Variants in RCAN2 observed in about 807,000 individuals in gnomAD.
RCAN2 encodes the protein calcipressin-2.
In RCAN2, 9 loss-of-function variants were observed where a neutral mutation model predicts 23.6. The ratio of observed to expected loss-of-function variants is 0.38; its 90% CI spans 0.23 to 0.67. The LOEUF is 0.67. RCAN2 is among the 30% of genes least tolerant of loss of function. The pLI, the probability that RCAN2 is intolerant of heterozygous loss-of-function variation, is 0.51. For missense variants in RCAN2, 273 were observed against 302.3 expected (o/e 0.90, Z 0.72); for synonymous variants, 109 against 115.7 (o/e 0.94, Z 0.37).
intron 2 of RCAN2, among the ~76,000 whole-genome samples, chr6:46,394,632 A>G (rs1458309752): frequency 6.6e-6 from 1 of 152,128 alleles, no homozygotes; most frequent in Non-Finnish European, 1.5e-5. Context: ...ATTACCTAGG[A>G]CTTTATAGCC....
intron 2 of RCAN2, among the ~76,000 whole-genome samples, chr6:46,315,470 C>CAGAAGGA (rs1469373401): frequency 1.1e-4 from 16 of 152,176 alleles, no homozygotes; most frequent in Admixed American, 7.2e-4. Flanking sequence ...ATGTAGGCTC[C>CAGAAGGA]AGAAGGAAGA....
chr6:46,392,591 T>G (rs1305013930), intron 2 of RCAN2, among the ~76,000 whole-genome samples: 3 of 152,062 alleles, frequency 2.0e-5, no homozygotes, highest in Non-Finnish European at 4.4e-5. Context: ...TAATGTCTGG[T>G]GGGGGAAGGA....
intron 2 of RCAN2, among the ~76,000 whole-genome samples, chr6:46,267,745 C>CA (rs1233036181): frequency 6.6e-6 from 1 of 152,010 alleles, no homozygotes; most frequent in Non-Finnish European, 1.5e-5. Flanking sequence ...TTCTTTAAAA[C>CA]AAGAAATATT....
intron 2 of RCAN2, among the ~76,000 whole-genome samples, chr6:46,455,374 C>A (rs1338194698): frequency 6.6e-6 from 1 of 152,108 alleles, no homozygotes; most frequent in African/African-American, 2.4e-5. Flanking sequence ...AATTCCTAAT[C>A]CTCTGGGATG....
At chr6:46,376,351 A>C (rs1317430636) in intron 2 of RCAN2, among the ~76,000 whole-genome samples, 1 of 152,180 alleles carries the variant, frequency 6.6e-6, no homozygotes, top group Admixed American at 6.5e-5. Flanking sequence ...AAGAACTAAA[A>C]CCATAAAAGT....
chr6:46,269,542 T>C (rs1472562879), intron 2 of RCAN2, among the ~76,000 whole-genome samples: 1 of 152,232 alleles, frequency 6.6e-6, no homozygotes, highest in Non-Finnish European at 1.5e-5. Context: ...ACTAGTTATG[T>C]ATCTTGCTGT....
At chr6:46,338,398 T>C (rs1764206469) in intron 2 of RCAN2, among the ~76,000 whole-genome samples, 2 of 152,122 alleles carry the variant, frequency 1.3e-5, no homozygotes, top group Admixed American at 1.3e-4. Flanking sequence ...AGTTCGGGTG[T>C]GGTGTCTCAT....
chr6:46,266,479 G>A (rs1464578434), intron 2 of RCAN2, among the ~76,000 whole-genome samples: 2 of 152,220 alleles, frequency 1.3e-5, no homozygotes, highest in Non-Finnish European at 2.9e-5. Flanking sequence ...GTGAAGAAGA[G>A]AATGTGCAGA....
chr6:46,491,537 G>A (rs1280419527), upstream of RCAN2, among the ~76,000 whole-genome samples: 1 of 151,968 alleles, frequency 6.6e-6, no homozygotes, highest in Non-Finnish European at 1.5e-5. Flanking sequence ...CCTCCAATCA[G>A]ACCCAGGGAA....
chr6:46,381,435 T>A (rs995735179), intron 2 of RCAN2, among the ~76,000 whole-genome samples: 8 of 152,166 alleles, frequency 5.3e-5, no homozygotes, highest in African/African-American at 1.9e-4. Flanking sequence ...TGAGGACACA[T>A]GTGACAATAT....
chr6:46,333,010 G>A (rs527775136), intron 2 of RCAN2, among the ~76,000 whole-genome samples: 1 of 152,328 alleles, frequency 6.6e-6, no homozygotes, highest in Admixed American at 6.5e-5. Context: ...TCTAACTGGT[G>A]TGAGATGGTA....
intron 4 of RCAN2, among the ~76,000 whole-genome samples, chr6:46,246,021 C>T (rs1022814096): frequency 6.6e-6 from 1 of 152,152 alleles, no homozygotes; most frequent in African/African-American, 2.4e-5. Context: ...CTTCTAACTA[C>T]AAAGCCTAAA....
At chr6:46,426,087 C>T (rs1384480622) in intron 2 of RCAN2, among the ~76,000 whole-genome samples, 2 of 151,600 alleles carry the variant, frequency 1.3e-5, no homozygotes, top group African/African-American at 4.8e-5. Flanking sequence ...TCAGTAAAGA[C>T]AGGGTTTCAC....
intron 1 of RCAN2, among the ~76,000 whole-genome samples, chr6:46,466,619 C>T (rs752408043): frequency 6.6e-6 from 1 of 152,074 alleles, no homozygotes; most frequent in African/African-American, 2.4e-5. Flanking sequence ...TAAATATTCA[C>T]GTTATTTCCA....
chr6:46,331,812 A>G (rs1763983046), intron 2 of RCAN2, among the ~76,000 whole-genome samples: 1 of 152,190 alleles, frequency 6.6e-6, no homozygotes, highest in South Asian at 2.1e-4. Context: ...TGATCATTCC[A>G]TTTCAGATCC....
At chr6:46,292,458 G>T in intron 2 of RCAN2, among the ~76,000 whole-genome samples, 2 of 147,810 alleles carry the variant, frequency 1.4e-5, no homozygotes, top group African/African-American at 5.0e-5. Flanking sequence ...TTGGTGGGGG[G>T]GTTGCCCTAA....
chr6:46,325,324 A>T, intron 2 of RCAN2: 1 of 1,565,476 alleles, frequency 6.4e-7, no homozygotes, highest in East Asian at 2.2e-5. Context: ...TTATTTCTTC[A>T]TGCTAAAAAG....
intron 2 of RCAN2, among the ~76,000 whole-genome samples, chr6:46,423,516 T>C (rs1766944095): frequency 6.6e-6 from 1 of 152,252 alleles, no homozygotes; most frequent in South Asian, 2.1e-4. Flanking sequence ...TGGTATAATA[T>C]GGACTTATTA....
At chr6:46,266,301 A>C (rs1330594797) in intron 2 of RCAN2, among the ~76,000 whole-genome samples, 1 of 152,176 alleles carries the variant, frequency 6.6e-6, no homozygotes, top group Non-Finnish European at 1.5e-5. Flanking sequence ...TGCATTAATT[A>C]ATGCATTAAC....
Sources: gnomAD v4.1 joint callset for allele counts (sites outside exome capture counted in the v4.1 genomes callset) on GRCh38, gnomAD v4.1.1 for gene constraint, MANE v1.5 for transcripts, NCBI Gene and HGNC (gene_info 2026-07-23, HGNC 2026-07-21) for gene names.